The following FKBP5 variants were observed in gnomAD, a reference collection of about 807,000 sequenced individuals.
The protein encoded by FKBP5 is peptidyl-prolyl cis-trans isomerase FKBP5.
A neutral mutation model predicts 50.5 loss-of-function variants in FKBP5; 23 were observed. That is an observed-to-expected ratio of 0.46 (90% CI 0.33 to 0.65). The LOEUF is 0.65. Ranked by LOEUF, FKBP5 falls within the 30% of genes least tolerant of loss-of-function variation. The pLI is 0.02. For missense variants in FKBP5, 411 were observed against 553.1 expected (o/e 0.74, Z 2.58); for synonymous variants, 176 against 190.6 (o/e 0.92, Z 0.63).
chr6:35,616,979 C>A (rs1199952644), intron 5 of FKBP5, among the ~76,000 whole-genome samples: 2 of 151,552 alleles, frequency 1.3e-5, no homozygotes, highest in African/African-American at 4.9e-5. Context: ...CCTTAAAAAT[C>A]AAGAGGTTCA....
At chr6:35,612,116 C>T (rs1763510265) in intron 5 of FKBP5, among the ~76,000 whole-genome samples, 1 of 152,042 alleles carries the variant, frequency 6.6e-6, no homozygotes, top group Non-Finnish European at 1.5e-5. Flanking sequence ...GTCAGCCAGG[C>T]ACAGTGGCTC....
At chr6:35,584,021 C>T in intron 8 of FKBP5, 1 of 985,418 alleles carries the variant, frequency 1.0e-6, no homozygotes, top group Non-Finnish European at 1.2e-6. Context: ...TCCCACATCA[C>T]TTCAGTGTTC....
intron 2 of FKBP5, among the ~76,000 whole-genome samples, chr6:35,638,417 C>G (rs530839115): frequency 1.3e-5 from 2 of 152,176 alleles, no homozygotes; most frequent in South Asian, 4.2e-4. Context: ...GCCCAAACAT[C>G]TTTATTTTAT....
At chr6:35,720,203 A>C (rs1268989596) in intron 2 of FKBP5, 3 of 152,428 alleles carry the variant, frequency 2.0e-5, no homozygotes, top group Non-Finnish European at 2.9e-5. Flanking sequence ...GTGTGGTGAC[A>C]GGGCCTCCCA....
chr6:35,710,260 C>T (rs1766390901), intron 2 of FKBP5, among the ~76,000 whole-genome samples: 1 of 152,062 alleles, frequency 6.6e-6, no homozygotes, highest in Non-Finnish European at 1.5e-5. Context: ...AGGAGGATTG[C>T]TTGAGCCCAG....
chr6:35,710,629 C>G (rs910275095), intron 2 of FKBP5, among the ~76,000 whole-genome samples: 1 of 152,170 alleles, frequency 6.6e-6, no homozygotes. Context: ...ATTTGCCATA[C>G]GACTCAGCAA....
At chr6:35,644,715 C>T (rs537563981) in intron 1 of FKBP5, among the ~76,000 whole-genome samples, 23 of 152,280 alleles carry the variant, frequency 1.5e-4, no homozygotes, top group Middle Eastern at 3.4e-3. Flanking sequence ...ATCAGAAGAA[C>T]GGGATTGGTT....
chr6:35,576,949 G>A lies in FKBP5; in HGVS notation c.1266+45C>T, dbSNP rs375321658. The A allele has an allele frequency of 8.7e-6, 14 of 1,601,818 alleles. No individual in the cohort carries two copies. In the African/African-American group the frequency reaches 1.2e-4, roughly 14 times the overall value. Reference sequence around the variant, plus strand: ...CTGTCCCCTAAAATCAAAGGGGCATGGTCAGGCTCTTGATCCACCTGCAGT... The same window carrying A: ...CTGTCCCCTAAAATCAAAGGGGCATAGTCAGGCTCTTGATCCACCTGCAGT... On this transcript the variant is annotated intron_variant, in intron 10 of 10. Coordinates refer to ENST00000357266, the MANE Select transcript of FKBP5 (RefSeq NM_004117.4).
At chr6:35,614,722 C>G (rs1581816876) in intron 5 of FKBP5, among the ~76,000 whole-genome samples, 1 of 152,128 alleles carries the variant, frequency 6.6e-6, no homozygotes, top group African/African-American at 2.4e-5. Context: ...AGAGCATTTT[C>G]TCACTTCTGG....
intron 2 of FKBP5, among the ~76,000 whole-genome samples, chr6:35,638,232 G>A (rs1764371980): frequency 6.6e-6 from 1 of 152,160 alleles, no homozygotes; most frequent in South Asian, 2.1e-4. Context: ...AGATAACAGA[G>A]GATGGTAGCT....
chr6:35,610,534 C>CTA (rs1319745047), intron 5 of FKBP5, among the ~76,000 whole-genome samples: 1 of 108,604 alleles, frequency 9.2e-6, no homozygotes, highest in African/African-American at 3.6e-5. Flanking sequence ...CGCCACTGCA[C>CTA]TATAGCCTGA....
intron 1 of FKBP5, among the ~76,000 whole-genome samples, chr6:35,649,936 A>G (rs193137462): frequency 1.5e-3 from 234 of 152,378 alleles, no homozygotes; most frequent in Non-Finnish European, 2.7e-3. Context: ...TGGCAAATGC[A>G]TACTATAAAA....
intron 6 of FKBP5, among the ~76,000 whole-genome samples, chr6:35,591,721 C>T (rs1762827044): frequency 6.6e-6 from 1 of 152,108 alleles, no homozygotes. Flanking sequence ...CTTCCAGTCA[C>T]ATAAGTGAAG....
At position 35,575,759 on chromosome 6, in the gene FKBP5, G is replaced by T; in HGVS notation, c.*76C>A. ...TATAACAAACTTTACATTAAACACT[G>T]TTCTGTCCTGAGTTGGGGGAAAGCC... On this transcript the variant is annotated 3_prime_UTR_variant, in exon 11 of 11. Transcript: ENST00000357266. The T allele has an allele frequency of 1.0e-6, 1 of 980,866 alleles. No individual in the cohort carries two copies. Among genetic ancestry groups the T allele is most frequent in the Non-Finnish European group, 1.7e-6 (1 of 603,358 alleles). The allele number at this position is 980,866 out of a possible 1,614,324, so 60.8% of individuals were successfully genotyped here.
intron 1 of FKBP5, among the ~76,000 whole-genome samples, chr6:35,728,333 T>A (rs891645225): frequency 6.6e-6 from 1 of 152,078 alleles, no homozygotes; most frequent in African/African-American, 2.4e-5. Context: ...GACCTCCACG[T>A]GGCCGGTTTG....
intron 1 of FKBP5, among the ~76,000 whole-genome samples, chr6:35,721,637 AG>A (rs1388983696): frequency 6.6e-6 from 1 of 152,144 alleles, no homozygotes; most frequent in Non-Finnish European, 1.5e-5. Context: ...TATTTTTAGT[AG>A]AGACGGGATT....
intron 1 of FKBP5, among the ~76,000 whole-genome samples, chr6:35,720,722 G>T (rs192868176): frequency 2.0e-5 from 3 of 152,160 alleles, no homozygotes. Flanking sequence ...CTCTTTCTCT[G>T]TGCATGTCTT....
At chr6:35,609,246 A>T (rs1246846320) in intron 5 of FKBP5, among the ~76,000 whole-genome samples, 1 of 151,620 alleles carries the variant, frequency 6.6e-6, no homozygotes, top group Non-Finnish European at 1.5e-5. Context: ...TTGTTTTGGT[A>T]CATCCCACAG....
intron 5 of FKBP5, among the ~76,000 whole-genome samples, chr6:35,609,997 G>GT (rs1219441905): frequency 2.6e-5 from 4 of 152,096 alleles, no homozygotes; most frequent in African/African-American, 9.7e-5. Context: ...CTGTCTGGCC[G>GT]TATTATAAAG....
Sources: allele counts gnomAD v4.1 joint callset (sites outside exome capture counted in the v4.1 genomes callset), GRCh38; gene constraint gnomAD v4.1.1; transcripts MANE v1.5; gene names NCBI Gene and HGNC (gene_info 2026-07-23, HGNC 2026-07-21).